Variants in ZC3H3 observed in about 807,000 individuals in gnomAD.
The protein encoded by ZC3H3 is zinc finger CCCH domain-containing protein 3.
In ZC3H3, 36 loss-of-function variants were observed where a neutral mutation model predicts 77.3. The ratio of observed to expected loss-of-function variants is 0.47; its 90% confidence interval spans 0.36 to 0.61. ZC3H3 has a LOEUF of 0.61. Ranked by LOEUF, ZC3H3 falls within the 20% of genes least tolerant of loss-of-function variation. The pLI is 0.00. For synonymous variants in ZC3H3, 626 were observed against 555.2 expected (o/e 1.13, Z -1.79); for missense variants, 1,331 against 1,312.2 (o/e 1.01, Z -0.22).
intron 4 of ZC3H3, among the ~76,000 whole-genome samples, chr8:143,499,822 A>G (rs1300626906): frequency 2.0e-5 from 3 of 152,172 alleles, no homozygotes; most frequent in African/African-American, 7.2e-5. Flanking sequence ...CCCAGGCTCC[A>G]TGTCAGAGGG....
rs186986477 is a variant in ZC3H3 at position 143,534,906 on chromosome 8, T to C, written c.1561+1351A>G. On this transcript the variant is annotated intron_variant, in intron 3 of 11. Transcript: ENST00000262577. The stretch of plus-strand genomic sequence containing the variant: ...ACCCCACTGTGCTGCAACACCCGGC[T>C]GCATCGCCCCATTCAGCCCTCCACC... Among the ~76,000 whole-genome samples, 5 of 151,992 alleles carry C rather than the reference T, an allele frequency of 3.3e-5. No individual in the cohort carries two copies. The East Asian group carries it at 9.7e-4, about 29-fold the overall frequency.
chr8:143,519,313 G>T (rs1822164714), intron 3 of ZC3H3, among the ~76,000 whole-genome samples: 1 of 152,130 alleles, frequency 6.6e-6, no homozygotes, highest in Non-Finnish European at 1.5e-5. Context: ...AGCCTTCGGG[G>T]CCAACACAGG....
At chr8:143,485,486 T>G (rs550360133) in intron 4 of ZC3H3, among the ~76,000 whole-genome samples, 1 of 152,286 alleles carries the variant, frequency 6.6e-6, no homozygotes, top group South Asian at 2.1e-4. Flanking sequence ...TCAATACATG[T>G]GTCTCCATGG....
chr8:143,477,182 G>A (rs1820759497), intron 4 of ZC3H3, among the ~76,000 whole-genome samples: 1 of 152,254 alleles, frequency 6.6e-6, no homozygotes, highest in Non-Finnish European at 1.5e-5. Context: ...GGGCCCATTA[G>A]AGAGAGAATG....
chr8:143,524,148 C>T (rs1231976198), intron 3 of ZC3H3, among the ~76,000 whole-genome samples: 1 of 152,248 alleles, frequency 6.6e-6, no homozygotes, highest in African/African-American at 2.4e-5. Context: ...CCCTGCAGTG[C>T]CCACAGCCTG....
chr8:143,523,395 G>C (rs1370738754), intron 3 of ZC3H3: 2 of 985,330 alleles, frequency 2.0e-6, no homozygotes, highest in East Asian at 1.1e-4. Flanking sequence ...CGACGCCCCT[G>C]CAGTTCATGT....
At position 143,440,975 on chromosome 8, in the gene ZC3H3, G is replaced by T; in HGVS notation, c.2453C>A (p.Ala818Glu). Reference sequence around the variant, plus strand: ...GGCCGAGACCCTGCTCCTGGCGGTTGCGTCGCTGGGCCCTGGGGCGGGGGA... The same window carrying T: ...GGCCGAGACCCTGCTCCTGGCGGTTTCGTCGCTGGGCCCTGGGGCGGGGGA... ...ATSPAPGPSD[A>E]TARSRVSASH... The change falls in exon 10 of 12, where the codon GCA (alanine) becomes GAA (glutamate). Residue 818 changes from alanine (A) to glutamate (E), a missense_variant. Physicochemically the swap from Ala to Glu is moderately radical, Grantham distance 107 (BLOSUM62 -1). Coordinates refer to ENST00000262577, the MANE Select transcript of ZC3H3 (RefSeq NM_015117.3). 6.9e-7 allele frequency: 1 copy of T among 1,451,664 alleles called. No homozygotes were observed. Among genetic ancestry groups the T allele is most frequent in the Non-Finnish European group, 9.0e-7 (1 of 1,108,132 alleles). The allele number at this position is 1,451,664 out of a possible 1,614,324, so 89.9% of individuals were successfully genotyped here.
At position 143,513,888 on chromosome 8, in the gene ZC3H3, G is replaced by A. The variant is rs141324317; in HGVS notation, c.1562-5989C>T. Among the ~76,000 whole-genome samples, 1,323 of 152,308 alleles carry A rather than the reference G, an allele frequency of 8.7e-3. 21 individuals are homozygous for A. Among genetic ancestry groups the A allele is most frequent in the African/African-American group, 0.03 (1,255 of 41,574 alleles). On this transcript the variant is annotated intron_variant, in intron 3 of 11. Coordinates refer to ENST00000262577, the MANE Select transcript of ZC3H3 (RefSeq NM_015117.3). ...TGGTGGGGGTGGACAGGGTGGCCCA[G>A]CCAAGGTGAAGGGCTATGGAGCAGC...
At chr8:143,523,342 A>G in intron 3 of ZC3H3, 1 of 985,454 alleles carries the variant, frequency 1.0e-6, no homozygotes, top group Non-Finnish European at 1.2e-6. Context: ...GCTCAGAGCC[A>G]GATGGGGGTC....
At chr8:143,481,043 G>T (rs1820894040) in intron 4 of ZC3H3, among the ~76,000 whole-genome samples, 1 of 152,230 alleles carries the variant, frequency 6.6e-6, no homozygotes, top group Non-Finnish European at 1.5e-5. Flanking sequence ...CAGTCCCACA[G>T]CACCTTCAGA....
At chr8:143,541,164 G>T (rs1823000507) in intron 1 of ZC3H3, among the ~76,000 whole-genome samples, 1 of 152,178 alleles carries the variant, frequency 6.6e-6, no homozygotes, top group African/African-American at 2.4e-5. Context: ...GCCCCAGCAG[G>T]GCCGGCACCA....
Position 143,533,809 on chromosome 8 carries a change from G to A in ZC3H3, c.1561+2448C>T, listed in dbSNP as rs1418011734. Among the ~76,000 whole-genome samples, 1 of 151,780 alleles carries A rather than the reference G, an allele frequency of 6.6e-6. No homozygotes were observed. The highest frequency in any genetic ancestry group is 1.5e-5 in the Non-Finnish European group (1 of 68,004). On this transcript the variant is annotated intron_variant, in intron 3 of 11. Transcript: ENST00000262577. The surrounding 1 kb of genome is among the most constrained non-coding windows in gnomAD (Gnocchi z 4.0). ...TCCTGCCTCAGCCTCCCGAGTAGAT[G>A]GGATTACAGACGCTCGCCACCACAC...
At chr8:143,473,612 A>G (rs1029499641) in intron 5 of ZC3H3, among the ~76,000 whole-genome samples, 2 of 152,200 alleles carry the variant, frequency 1.3e-5, no homozygotes, top group African/African-American at 4.8e-5. Context: ...CTGTGCCTGC[A>G]GTGTCAGTGC....
Position 143,440,102 on chromosome 8 carries a change from CG to C in ZC3H3, c.2753del (p.Ser918CysfsTer159). 6.2e-7 allele frequency: 1 copy of C among 1,607,376 alleles called. No individual in the cohort carries two copies. Among genetic ancestry groups the C allele is most frequent in the Non-Finnish European group, 8.5e-7 (1 of 1,178,050 alleles). On this transcript the variant is annotated frameshift_variant, in exon 11 of 12. Transcript: ENST00000262577. LOFTEE classifies it high-confidence loss of function. ...CCCTGGGCTGGGCTCCTGGGCTCGG[CG>C]AGGACTGCAGGGAGATGAAGGAAGG... ...KLPSFISLQS[S>X]PSPGAQPRVR...
At chr8:143,523,275 A>T (rs956907789) in intron 3 of ZC3H3, 4 of 976,410 alleles carry the variant, frequency 4.1e-6, no homozygotes, top group Non-Finnish European at 1.2e-6. Flanking sequence ...CCACGTCCCC[A>T]GGGGCTATAG....
intron 11 of ZC3H3, 123 bp downstream of exon 11, chr8:143,439,918 C>T: frequency 1.7e-6 from 1 of 585,010 alleles, no homozygotes; most frequent in East Asian, 3.3e-5. Flanking sequence ...CCGAGCCAGG[C>T]CATGCTGCCT....
chr8:143,460,606 G>C lies in ZC3H3; in HGVS notation c.2307+5111C>G, dbSNP rs1331311737. Among the ~76,000 whole-genome samples the C allele has an allele frequency of 6.6e-6, 1 of 152,114 alleles. No individual in the cohort carries two copies. The highest frequency in any genetic ancestry group is 1.5e-5 in the Non-Finnish European group (1 of 68,024). On this transcript the variant is annotated intron_variant, in intron 9 of 11. Transcript: ENST00000262577. This position sits in a 1 kb window ranked among gnomAD's most constrained non-coding sequence, Gnocchi z 4.0. ...AAAGCGGGGCTCAAACAGATACCTG[G>C]CTGTCAGGAATCACTACAGCACCAG...
At chr8:143,465,952 C>T in intron 8 of ZC3H3, 104 bp from the exon 9 acceptor site, 1 of 1,436,486 alleles carries the variant, frequency 7.0e-7, no homozygotes, top group Admixed American at 2.3e-5. Context: ...GAGAAATGGA[C>T]ACGCGGCACC....
chr8:143,452,114 C>CA (rs1162160477), intron 9 of ZC3H3, among the ~76,000 whole-genome samples: 1 of 152,256 alleles, frequency 6.6e-6, no homozygotes, highest in Admixed American at 6.5e-5. Flanking sequence ...AGCCAACACG[C>CA]AAAACCACTG....
Sources: gnomAD v4.1 joint callset for allele counts (sites outside exome capture counted in the v4.1 genomes callset) on GRCh38, gnomAD v4.1.1 for gene constraint, Gnocchi (gnomAD v3.1) non-coding constraint, MANE v1.5 for transcripts, NCBI Gene and HGNC (gene_info 2026-07-23, HGNC 2026-07-21) for gene names.